GSAP: variants seen among roughly 807,000 people sequenced by gnomAD.
The protein encoded by GSAP is gamma-secretase-activating protein.
GSAP carries 118 observed loss-of-function variants against 131.7 expected under a neutral mutation model. The observed-to-expected ratio is 0.90, with a 90% CI of 0.77 to 1.04. The LOEUF is 1.04. GSAP is among the 50% of genes least tolerant of loss of function. The pLI, the probability that GSAP is intolerant of heterozygous loss-of-function variation, is 0.00. For synonymous variants in GSAP, 381 were observed against 363.4 expected (o/e 1.05, Z -0.55); for missense variants, 1,019 against 1,013.2 (o/e 1.01, Z -0.08).
Position 77,349,492 on chromosome 7 carries a change from C to G in GSAP, c.1492-88G>C. The stretch of plus-strand genomic sequence containing the variant: ...TTTCAGGGAGTGTTTTCTGCACAGA[C>G]AGAAGCTGAGGGCAGCTTCCAGCTT... On this transcript the variant is annotated intron_variant, in intron 18 of 30. Transcript: ENST00000257626. 1.7e-6 allele frequency: 2 copies of G among 1,149,788 alleles called. 1 individual carries two copies. The highest frequency in any genetic ancestry group is 2.5e-5 in the South Asian group (2 of 79,500). 71.2% of individuals were successfully genotyped at this position (1,149,788 alleles called of 1,614,324 possible).
intron 1 of GSAP, among the ~76,000 whole-genome samples, chr7:77,412,821 G>A (rs1177399555): frequency 6.6e-6 from 1 of 151,366 alleles, no homozygotes; most frequent in African/African-American, 2.4e-5. Flanking sequence ...TCACGGGCTT[G>A]TGAGGATAGT....
chr7:77,363,867 T>G (rs1181899), intron 12 of GSAP, among the ~76,000 whole-genome samples: 14 of 152,176 alleles, frequency 9.2e-5, no homozygotes, highest in Admixed American at 5.9e-4. Flanking sequence ...AGCTGACTCA[T>G]GACTCACTGA....
At chr7:77,358,984 AGACCAGCCTG>A (rs1188393095) in intron 14 of GSAP, among the ~76,000 whole-genome samples, 1 of 152,158 alleles carries the variant, frequency 6.6e-6, no homozygotes, top group African/African-American at 2.4e-5. Context: ...CAGGAGTTCA[AGACCAGCCTG>A]GCCAAGATGG....
At chr7:77,373,079 G>C (rs1796375113) in intron 12 of GSAP, among the ~76,000 whole-genome samples, 1 of 152,186 alleles carries the variant, frequency 6.6e-6, no homozygotes, top group Non-Finnish European at 1.5e-5. Context: ...GAATATCTTG[G>C]AGGGAGGCAG....
chr7:77,381,679 T>C (rs956714742), intron 7 of GSAP, among the ~76,000 whole-genome samples: 5 of 152,156 alleles, frequency 3.3e-5, no homozygotes, highest in Non-Finnish European at 7.3e-5. Flanking sequence ...ATCAGCGTTA[T>C]ATAGGGCTAA....
intron 12 of GSAP, among the ~76,000 whole-genome samples, chr7:77,364,382 A>G (rs1246569000): frequency 6.6e-6 from 1 of 152,022 alleles, no homozygotes; most frequent in Non-Finnish European, 1.5e-5. Context: ...CTCATTTTGA[A>G]AAAAAGTAAG....
At chr7:77,357,937 C>T (rs1793996719) in intron 14 of GSAP, among the ~76,000 whole-genome samples, 1 of 152,236 alleles carries the variant, frequency 6.6e-6, no homozygotes, top group Non-Finnish European at 1.5e-5. Flanking sequence ...GATATGCTAA[C>T]TAGCCTGATT....
intron 22 of GSAP, chr7:77,328,082 A>G (rs1370749886): frequency 7.6e-6 from 3 of 392,860 alleles, no homozygotes; most frequent in Non-Finnish European, 1.0e-5. Context: ...CACATGGTTC[A>G]CACAAGAGGC....
intron 12 of GSAP, among the ~76,000 whole-genome samples, chr7:77,370,422 T>A (rs150758959): frequency 2.0e-5 from 3 of 151,970 alleles, no homozygotes; most frequent in South Asian, 2.1e-4. Flanking sequence ...GAGAGTTCCA[T>A]TGCACTCCAA....
chr7:77,378,402 T>C (rs1452868935), intron 8 of GSAP, among the ~76,000 whole-genome samples: 1 of 151,976 alleles, frequency 6.6e-6, no homozygotes, highest in East Asian at 1.9e-4. Context: ...GAGAATCGCT[T>C]GAATCCAACA....
chr7:77,390,552 C>T (rs1471007109), intron 5 of GSAP, among the ~76,000 whole-genome samples: 4 of 151,948 alleles, frequency 2.6e-5, no homozygotes, highest in African/African-American at 2.4e-5. Context: ...ATCCTTTACC[C>T]ATTTCTTCTT....
intron 5 of GSAP, among the ~76,000 whole-genome samples, chr7:77,391,686 C>T (rs1037725303): frequency 6.6e-6 from 1 of 151,778 alleles, no homozygotes; most frequent in South Asian, 2.1e-4. Context: ...ATATTAAGAA[C>T]AAGCTGGACA....
chr7:77,373,297 T>A (rs772255286), intron 12 of GSAP, among the ~76,000 whole-genome samples: 3 of 152,182 alleles, frequency 2.0e-5, no homozygotes, highest in Non-Finnish European at 1.5e-5. Context: ...ACTTATCATA[T>A]CCCCAACACC....
At chr7:77,377,056 T>C in intron 9 of GSAP, 149 bp from the exon 10 acceptor site, 2 of 671,338 alleles carry the variant, frequency 3.0e-6, no homozygotes, top group East Asian at 3.0e-5. Flanking sequence ...ATTGTTCTTA[T>C]AAAAAAGAGT....
intron 22 of GSAP, among the ~76,000 whole-genome samples, chr7:77,327,701 C>T (rs1788522317): frequency 6.6e-6 from 1 of 152,148 alleles, no homozygotes; most frequent in African/African-American, 2.4e-5. Context: ...ACAAATAAGC[C>T]TGTGCCTGAA....
chr7:77,328,513 A>T (rs1332551925), intron 22 of GSAP, 93 bp downstream of exon 22: 1 of 1,535,824 alleles, frequency 6.5e-7, no homozygotes, highest in Non-Finnish European at 8.7e-7. Context: ...ACTGGAAGTG[A>T]TTCTCTTGCC....
chr7:77,330,559 T>A, intron 19 of GSAP, 192 bp from the exon 20 acceptor site: 1 of 1,144,666 alleles, frequency 8.7e-7, no homozygotes, highest in Non-Finnish European at 1.1e-6. Context: ...CTTTACCCAC[T>A]TCATTTTCTG....
chr7:77,355,721 G>A (rs1483595273), intron 14 of GSAP, 74 bp from the exon 15 acceptor site: 2 of 853,416 alleles, frequency 2.3e-6, no homozygotes, highest in African/African-American at 3.4e-5. Flanking sequence ...CATTATCCCT[G>A]CTTGTCTCTG....
rs563540468 is a variant in GSAP, at chr7:77,404,457, G to A, written c.243+102C>T. On this transcript the variant is annotated intron_variant, in intron 3 of 30. Coordinates refer to ENST00000257626, the MANE Select transcript of GSAP (RefSeq NM_017439.4). ...TGTTTTTTCAAATAAAATGTTTACA[G>A]AAAAAGAGAAAATAAAGTTGGAATT... 2.9e-4 allele frequency: 204 copies of A among 708,114 alleles called. 1 individual carries two copies. The highest frequency in any genetic ancestry group is 4.7e-4 in the Non-Finnish European group (187 of 401,908). 43.9% of individuals were successfully genotyped at this position (708,114 alleles called of 1,614,324 possible).
Sources: gnomAD v4.1 joint callset for allele counts (sites outside exome capture counted in the v4.1 genomes callset) on GRCh38, gnomAD v4.1.1 for gene constraint, MANE v1.5 for transcripts, NCBI Gene and HGNC (gene_info 2026-07-23, HGNC 2026-07-21) for gene names.